Variants in ABCC5 observed in about 807,000 individuals in gnomAD.
ABCC5 encodes ATP-binding cassette sub-family C member 5.
Under a neutral mutation model 160.9 loss-of-function variants are expected in ABCC5, and 61 were observed. That is an observed-to-expected ratio of 0.38 (90% confidence interval 0.31 to 0.47). The LOEUF is 0.47. Ranked by LOEUF, ABCC5 falls within the 20% of genes least tolerant of loss-of-function variation. ABCC5 has a pLI of 0.99. For synonymous variants in ABCC5, 666 were observed against 700.6 expected, an observed-to-expected ratio of 0.95 and a Z score of 0.78; for missense variants, 1,308 against 1,813.3, an observed-to-expected ratio of 0.72 and a Z score of 5.06.
At chr3:183,970,172 C>T (rs1717605598) in intron 11 of ABCC5, among the ~76,000 whole-genome samples, 1 of 152,158 alleles carries the variant, frequency 6.6e-6, no homozygotes, top group Non-Finnish European at 1.5e-5. Flanking sequence ...CTCTGGCAGG[C>T]ACCACCTCTG....
intron 17 of ABCC5, among the ~76,000 whole-genome samples, chr3:183,959,199 G>T (rs539104083): frequency 6.6e-6 from 1 of 152,048 alleles, no homozygotes; most frequent in South Asian, 2.1e-4. Flanking sequence ...TAACATAAAG[G>T]GTTTAAGAAA....
chr3:183,977,841 C>A (rs964419900), intron 9 of ABCC5, among the ~76,000 whole-genome samples: 12 of 152,262 alleles, frequency 7.9e-5, no homozygotes, highest in Admixed American at 5.2e-4. Flanking sequence ...CAACTTCCAC[C>A]TCCCAGGTTC....
chr3:183,920,859 C>A lies in ABCC5; in HGVS notation c.*441G>T. On this transcript the variant is annotated 3_prime_UTR_variant, in exon 30 of 30. Coordinates refer to ENST00000334444, the MANE Select transcript of ABCC5 (RefSeq NM_005688.4). The surrounding 1 kb of genome is among the most constrained non-coding windows in gnomAD (Gnocchi z 4.1). ...CTCTTCCTACAGTCTAATAGCAAAA[C>A]CAGATCTCTAGTACAGCAAACTGTA... 6.6e-6 allele frequency: 1 copy of A among 152,670 alleles called. No homozygotes were observed. The highest frequency in any genetic ancestry group is 1.9e-4 in the East Asian group (1 of 5,192). 9.5% of individuals were successfully genotyped at this position (152,670 alleles called of 1,614,324 possible).
intron 26 of ABCC5, among the ~76,000 whole-genome samples, chr3:183,929,298 T>A (rs1712937124): frequency 6.6e-6 from 1 of 152,070 alleles, no homozygotes; most frequent in Non-Finnish European, 1.5e-5. Context: ...CCAGGTGTGG[T>A]GGTGGGCACC....
chr3:183,982,503 C>G lies in ABCC5; in HGVS notation c.947G>C (p.Gly316Ala). The change falls in exon 7 of 30, where the codon GGA becomes GCA. Residue 316 changes from glycine to alanine, a missense_variant. This residue lies in a region of ABCC5 where 1,142 missense variants were observed against 1,527.1 expected (regional missense o/e 0.75). Coordinates refer to ENST00000334444, the MANE Select transcript of ABCC5 (RefSeq NM_005688.4). This position sits in a 1 kb window ranked among gnomAD's most constrained non-coding sequence, Gnocchi z 5.2. Reference protein sequence around the residue: ...LGMIYNVIILGPTGFLGSAVF... With the variant: ...LGMIYNVIILAPTGFLGSAVF... ...AGCTGATCCCAGGAAGCCTGTTGGTCCCAGAATAATTACATTATAAATCAT... is the reference window on the plus strand; with the variant it reads ...AGCTGATCCCAGGAAGCCTGTTGGTGCCAGAATAATTACATTATAAATCAT... The G allele has an allele frequency of 6.2e-7, 1 of 1,614,096 alleles. No individual in the cohort carries two copies. The highest frequency in any genetic ancestry group is 8.5e-7 in the Non-Finnish European group (1 of 1,180,020).
At chr3:183,956,072 G>A (rs918017317) in intron 17 of ABCC5, among the ~76,000 whole-genome samples, 2 of 126,216 alleles carry the variant, frequency 1.6e-5, no homozygotes, top group Non-Finnish European at 3.3e-5. Flanking sequence ...ATATCACATC[G>A]GTTACATGCA....
chr3:183,943,196 G>T (rs1392625158), intron 24 of ABCC5, among the ~76,000 whole-genome samples: 35 of 152,182 alleles, frequency 2.3e-4, no homozygotes, highest in Admixed American at 2.3e-3. Context: ...ATTCCACAAA[G>T]CTGCCTTGGG....
chr3:183,932,923 G>A (rs1225852900), intron 26 of ABCC5, among the ~76,000 whole-genome samples: 1 of 152,118 alleles, frequency 6.6e-6, no homozygotes, highest in Admixed American at 6.5e-5. Context: ...CCAGCACTTT[G>A]GAAGGCCGAG....
chr3:183,928,534 T>G (rs1174197557), intron 27 of ABCC5, among the ~76,000 whole-genome samples: 1 of 152,248 alleles, frequency 6.6e-6, no homozygotes, highest in Non-Finnish European at 1.5e-5. Context: ...CAATGGATAG[T>G]GCAAGGCCAA....
chr3:184,007,460 C>G (rs1721321473), intron 2 of ABCC5, among the ~76,000 whole-genome samples: 1 of 152,192 alleles, frequency 6.6e-6, no homozygotes, highest in South Asian at 2.1e-4. Flanking sequence ...AAGCATCTGA[C>G]AAGCTTTGTC....
At chr3:183,976,421 T>A (rs1459860691) in intron 10 of ABCC5, among the ~76,000 whole-genome samples, 2 of 151,858 alleles carry the variant, frequency 1.3e-5, no homozygotes, top group African/African-American at 4.8e-5. Flanking sequence ...CACCTGGCTA[T>A]TTTTTTATTT....
At chr3:183,931,820 G>A (rs945330527) in intron 26 of ABCC5, among the ~76,000 whole-genome samples, 2 of 152,230 alleles carry the variant, frequency 1.3e-5, no homozygotes, top group Non-Finnish European at 2.9e-5. Context: ...CCTCATTAGA[G>A]AAGCCAGATG....
intron 8 of ABCC5, among the ~76,000 whole-genome samples, chr3:183,980,706 ACTGTT>A (rs1483644570): frequency 7.1e-6 from 1 of 139,982 alleles, no homozygotes; most frequent in East Asian, 2.2e-4. Flanking sequence ...TGCTCTGAAC[ACTGTT>A]TTGTTTTTTT....
intron 11 of ABCC5, among the ~76,000 whole-genome samples, chr3:183,970,904 A>AGTTT (rs1717678012): frequency 6.6e-6 from 1 of 152,138 alleles, no homozygotes; most frequent in African/African-American, 2.4e-5. Context: ...TCTGGCATGG[A>AGTTT]GTTTGATACT....
At chr3:183,960,787 T>C (rs1299798164) in intron 16 of ABCC5, among the ~76,000 whole-genome samples, 3 of 95,832 alleles carry the variant, frequency 3.1e-5, no homozygotes, top group African/African-American at 1.1e-4. Flanking sequence ...GTTTCTCTTA[T>C]GTCTTTTTTT....
chr3:184,001,835 AC>A (rs1423642108), intron 2 of ABCC5, among the ~76,000 whole-genome samples: 2 of 152,096 alleles, frequency 1.3e-5, no homozygotes, highest in African/African-American at 4.8e-5. Flanking sequence ...AGATGAGGGG[AC>A]CCATTTCTCT....
At chr3:183,997,774 C>A (rs2108889738) in intron 2 of ABCC5, among the ~76,000 whole-genome samples, 1 of 152,184 alleles carries the variant, frequency 6.6e-6, no homozygotes, top group South Asian at 2.1e-4. Context: ...GATTCTCTAG[C>A]TGTTTTGCTT....
At chr3:183,984,595 C>A in intron 5 of ABCC5, 1 of 1,358,860 alleles carries the variant, frequency 7.4e-7, no homozygotes, top group Non-Finnish European at 9.5e-7. Flanking sequence ...TTGCCAAGTC[C>A]CAGGAAATAA....
At chr3:183,980,121 C>T (rs988403638) in intron 8 of ABCC5, among the ~76,000 whole-genome samples, 1 of 152,206 alleles carries the variant, frequency 6.6e-6, no homozygotes, top group African/African-American at 2.4e-5. Context: ...GTGATCTACT[C>T]GCCTAGGCCT....
Sources: allele counts gnomAD v4.1 joint callset (sites outside exome capture counted in the v4.1 genomes callset), GRCh38; gene constraint gnomAD v4.1.1; regional missense constraint gnomAD v4.1.1; non-coding constraint Gnocchi (gnomAD v3.1); transcripts MANE v1.5; gene names NCBI Gene and HGNC (gene_info 2026-07-23, HGNC 2026-07-21).